Variants in NELL1 observed in about 807,000 individuals in gnomAD.
NELL1 encodes the protein neural EGFL like 1.
Under a neutral mutation model 107.4 loss-of-function variants are expected in NELL1, and 76 were observed. The observed-to-expected ratio is 0.71, with a 90% CI of 0.59 to 0.86. NELL1 has a LOEUF of 0.86. Among genes scored for constraint, NELL1 ranks in the 40% least tolerant of loss-of-function variants. The probability of loss-of-function intolerance (pLI) is 0.00; values close to 1 mark genes in which losing one functional copy is unlikely to be tolerated. For missense variants in NELL1, 1,024 were observed against 1,005.5 expected, an observed-to-expected ratio of 1.02 and a Z score of -0.25; for synonymous variants, 353 against 341.2, an observed-to-expected ratio of 1.03 and a Z score of -0.38.
At chr11:20,911,239 A>G (rs1160800396) in intron 5 of NELL1, among the ~76,000 whole-genome samples, 1 of 152,230 alleles carries the variant, frequency 6.6e-6, no homozygotes, top group Non-Finnish European at 1.5e-5. Flanking sequence ...GAGGTGGGTT[A>G]TGGGAATGTA....
chr11:21,566,948 T>C (rs907031701), intron 17 of NELL1, among the ~76,000 whole-genome samples: 1 of 151,908 alleles, frequency 6.6e-6, no homozygotes, highest in African/African-American at 2.4e-5. Context: ...TGATGAGATA[T>C]GAAATTGCTT....
chr11:20,983,268 C>T (rs1232883400), intron 12 of NELL1, among the ~76,000 whole-genome samples: 4 of 152,184 alleles, frequency 2.6e-5, no homozygotes, highest in Non-Finnish European at 5.9e-5. Flanking sequence ...GGCTCGCTTT[C>T]CTTTCCTCAG....
At chr11:21,155,334 A>G (rs1042193157) in intron 13 of NELL1, among the ~76,000 whole-genome samples, 1 of 152,160 alleles carries the variant, frequency 6.6e-6, no homozygotes, top group Non-Finnish European at 1.5e-5. Context: ...GATGTGTCTG[A>G]AACTCTGAGG....
chr11:21,435,428 ATTG>A (rs1240629538), intron 15 of NELL1, among the ~76,000 whole-genome samples: 1 of 120,474 alleles, frequency 8.3e-6, no homozygotes, highest in Non-Finnish European at 1.7e-5. Context: ...GTTAGCTTTT[ATTG>A]TTTTTTGTTT....
At chr11:21,339,557 C>T (rs1371308603) in intron 14 of NELL1, among the ~76,000 whole-genome samples, 1 of 152,174 alleles carries the variant, frequency 6.6e-6, no homozygotes, top group Admixed American at 6.5e-5. Flanking sequence ...CGTGTCAGTG[C>T]CAATACTGAT....
At chr11:21,036,879 A>T (rs1167399977) in intron 12 of NELL1, among the ~76,000 whole-genome samples, 1 of 152,058 alleles carries the variant, frequency 6.6e-6, no homozygotes. Flanking sequence ...CATGAAAAAC[A>T]TTTATTTTTA....
chr11:21,469,913 G>A (rs1309045865), intron 15 of NELL1, among the ~76,000 whole-genome samples: 1 of 151,990 alleles, frequency 6.6e-6, no homozygotes. Context: ...TTTTCCCCTT[G>A]TTAAATTGGA....
intron 3 of NELL1, among the ~76,000 whole-genome samples, chr11:20,840,580 T>A (rs935556597): frequency 6.6e-6 from 1 of 152,230 alleles, no homozygotes; most frequent in African/African-American, 2.4e-5. Flanking sequence ...ACCTCCCCAG[T>A]ACGGTCTGGA....
chr11:20,790,544 A>G (rs1474584107), intron 3 of NELL1, among the ~76,000 whole-genome samples: 3 of 152,212 alleles, frequency 2.0e-5, no homozygotes, highest in Non-Finnish European at 1.5e-5. Flanking sequence ...CCACAGCTGC[A>G]GCTGTGAAGG....
intron 13 of NELL1, among the ~76,000 whole-genome samples, chr11:21,139,381 C>G (rs1482525001): frequency 1.3e-5 from 2 of 152,218 alleles, no homozygotes; most frequent in Non-Finnish European, 1.5e-5. Flanking sequence ...TCCCTTACTT[C>G]CTTCAGGCCT....
At chr11:20,892,089 T>C (rs962528329) in intron 5 of NELL1, among the ~76,000 whole-genome samples, 1 of 152,182 alleles carries the variant, frequency 6.6e-6, no homozygotes, top group Admixed American at 6.5e-5. Context: ...ATGACTCTTA[T>C]TCTAAAATCA....
At chr11:21,541,183 A>T (rs1238839532) in intron 16 of NELL1, among the ~76,000 whole-genome samples, 1 of 152,108 alleles carries the variant, frequency 6.6e-6, no homozygotes, top group Non-Finnish European at 1.5e-5. Context: ...TTGTTGCTGG[A>T]GACACACTCC....
chr11:21,415,425 C>T (rs550346946), intron 15 of NELL1, among the ~76,000 whole-genome samples: 94 of 152,150 alleles, frequency 6.2e-4, no homozygotes, highest in African/African-American at 2.2e-3. Context: ...GTTGATAACA[C>T]CAGACCATCT....
chr11:21,491,626 T>C (rs1165851022), intron 15 of NELL1, among the ~76,000 whole-genome samples: 1 of 152,162 alleles, frequency 6.6e-6, no homozygotes, highest in African/African-American at 2.4e-5. Context: ...TGAAGTCAGG[T>C]AGCATGATGT....
At chr11:21,523,287 T>C (rs1021398179) in intron 15 of NELL1, among the ~76,000 whole-genome samples, 1 of 152,150 alleles carries the variant, frequency 6.6e-6, no homozygotes, top group African/African-American at 2.4e-5. Flanking sequence ...CCAGCAAAAA[T>C]TGGGTATTGC....
intron 2 of NELL1, among the ~76,000 whole-genome samples, chr11:20,687,521 A>G (rs553273911): frequency 6.6e-6 from 1 of 152,086 alleles, no homozygotes; most frequent in African/African-American, 2.4e-5. Context: ...GGAGATTGGT[A>G]TTATGAATAT....
At chr11:21,074,012 T>A (rs1436832721) in intron 12 of NELL1, among the ~76,000 whole-genome samples, 1 of 152,158 alleles carries the variant, frequency 6.6e-6, no homozygotes, top group Non-Finnish European at 1.5e-5. Context: ...AGAAATTTTT[T>A]AAAAATTGGA....
At chr11:21,246,199 T>C (rs183586331) in intron 14 of NELL1, among the ~76,000 whole-genome samples, 38 of 152,298 alleles carry the variant, frequency 2.5e-4, no homozygotes, top group African/African-American at 7.2e-4. Flanking sequence ...ACCAGTTTTC[T>C]ATGAAGAAGG....
intron 2 of NELL1, among the ~76,000 whole-genome samples, chr11:20,761,962 G>A (rs748676519): frequency 1.3e-5 from 2 of 152,182 alleles, no homozygotes; most frequent in Admixed American, 6.5e-5. Context: ...GCTAAGAAAA[G>A]GAAACTTCTC....
Sources: allele counts gnomAD v4.1 joint callset (sites outside exome capture counted in the v4.1 genomes callset), GRCh38; gene constraint gnomAD v4.1.1; transcripts MANE v1.5; gene names NCBI Gene and HGNC (gene_info 2026-07-23, HGNC 2026-07-21).